Variants in LRBA observed in about 807,000 individuals in gnomAD.
LRBA encodes the protein lipopolysaccharide-responsive and beige-like anchor protein.
A neutral mutation model predicts 330.0 loss-of-function variants in LRBA; 176 were observed. The ratio of observed to expected loss-of-function variants is 0.53; its 90% confidence interval spans 0.47 to 0.60. The LOEUF (loss-of-function observed/expected upper bound fraction) is 0.60, where lower values mean the gene tolerates loss of function less well. Ranked by LOEUF, LRBA falls within the 20% of genes least tolerant of loss-of-function variation. The pLI, the probability that LRBA is intolerant of heterozygous loss-of-function variation, is 0.00. For missense variants in LRBA, 3,259 were observed against 3,444.8 expected, an observed-to-expected ratio of 0.95 and a Z score of 1.35; for synonymous variants, 1,230 against 1,193.0, an observed-to-expected ratio of 1.03 and a Z score of -0.64.
intron 22 of LRBA, among the ~76,000 whole-genome samples, chr4:150,865,717 C>CTT (rs779221199): frequency 7.9e-4 from 106 of 134,514 alleles, no homozygotes; most frequent in African/African-American, 2.6e-3. Flanking sequence ...GCAATATATT[C>CTT]TTTTTTTTTT....
intron 37 of LRBA, among the ~76,000 whole-genome samples, chr4:150,646,592 G>C (rs946004129): frequency 2.6e-5 from 4 of 152,072 alleles, no homozygotes; most frequent in African/African-American, 4.8e-5. Flanking sequence ...ATTTGGGAAG[G>C]TAAGGTTGAT....
chr4:150,359,772 A>G (rs1310775295), intron 47 of LRBA, among the ~76,000 whole-genome samples: 1 of 152,044 alleles, frequency 6.6e-6, no homozygotes, highest in African/African-American at 2.4e-5. Context: ...CGAGGTTAGG[A>G]GTTCAAGACC....
intron 40 of LRBA, among the ~76,000 whole-genome samples, chr4:150,543,382 AT>A (rs1765524456): frequency 6.6e-6 from 1 of 152,180 alleles, no homozygotes; most frequent in Admixed American, 6.5e-5. Context: ...GTGAACTGAA[AT>A]TTGCCATGTC....
At position 150,375,728 on chromosome 4, in the gene LRBA, G is replaced by A. The variant is rs181636788; in HGVS notation, c.7195-25569C>T. Reference sequence around the variant, plus strand: ...GCCTCACAAAGTGCTGGGATTACAGGTGTGAGCCACCAAGCCCAGCCTCTA... The same window carrying A: ...GCCTCACAAAGTGCTGGGATTACAGATGTGAGCCACCAAGCCCAGCCTCTA... On this transcript the variant is annotated intron_variant, in intron 47 of 56. Transcript: ENST00000651943. Among the ~76,000 whole-genome samples, 398 of 151,998 alleles carry A rather than the reference G, an allele frequency of 2.6e-3. 1 individual carries two copies. Among genetic ancestry groups the A allele is most frequent in the Non-Finnish European group, 4.5e-3 (303 of 67,984 alleles).
intron 2 of LRBA, chr4:151,012,912 G>C (rs1474756523): frequency 6.7e-6 from 1 of 149,714 alleles, no homozygotes; most frequent in Admixed American, 6.8e-5. Flanking sequence ...CTGGGTACAA[G>C]CAAGCGCATC....
At chr4:150,931,462 T>C (rs1734494095) in intron 2 of LRBA, among the ~76,000 whole-genome samples, 1 of 151,324 alleles carries the variant, frequency 6.6e-6, no homozygotes, top group African/African-American at 2.4e-5. Flanking sequence ...CAAAGATCAT[T>C]TCATCAAAAG....
chr4:150,355,651 T>C (rs191720637), intron 47 of LRBA, among the ~76,000 whole-genome samples: 4 of 152,160 alleles, frequency 2.6e-5, no homozygotes, highest in Admixed American at 2.0e-4. Flanking sequence ...CAAAATACCA[T>C]AGCTGTAAGT....
At chr4:150,828,068 T>C in intron 30 of LRBA, 112 bp downstream of exon 30, 1 of 869,846 alleles carries the variant, frequency 1.1e-6, no homozygotes, top group South Asian at 1.7e-5. Flanking sequence ...TCTGAGGGAG[T>C]GAAAAGTTAT....
rs2127054903 is a variant in LRBA at position 150,349,981 on chromosome 4, A to G, written c.7362+11T>C. 2 of 1,612,590 alleles carry G rather than the reference A, an allele frequency of 1.2e-6. No individual in the cohort carries two copies. The highest frequency in any genetic ancestry group is 2.2e-5 in the East Asian group (1 of 44,722). On this transcript the variant is annotated intron_variant, in intron 48 of 56. Transcript: ENST00000651943. ...TGACTATAAGTTGCTTTCTCAATTC[A>G]GATAACTTACCTCTCTCAACACAGG...
At chr4:150,442,247 C>A in intron 44 of LRBA, among the ~76,000 whole-genome samples, 1 of 151,952 alleles carries the variant, frequency 6.6e-6, no homozygotes, top group Non-Finnish European at 1.5e-5. Context: ...CATTAAACTC[C>A]AACGTTTGGA....
chr4:150,282,053 T>A (rs2126762711), intron 55 of LRBA, among the ~76,000 whole-genome samples: 1 of 152,328 alleles, frequency 6.6e-6, no homozygotes, highest in Non-Finnish European at 1.5e-5. Flanking sequence ...ACCAAGCTAT[T>A]CAGATGTAAA....
At chr4:150,460,133 T>C (rs1754584023) in intron 44 of LRBA, among the ~76,000 whole-genome samples, 1 of 151,840 alleles carries the variant, frequency 6.6e-6, no homozygotes, top group African/African-American at 2.4e-5. Flanking sequence ...CTAAAAGGAC[T>C]GGCATTCATC....
At chr4:150,933,366 A>C (rs1042990940) in intron 2 of LRBA, among the ~76,000 whole-genome samples, 2 of 116,662 alleles carry the variant, frequency 1.7e-5, no homozygotes, top group African/African-American at 9.7e-5. Context: ...ACTCTGTCTC[A>C]AAAAAAAAAA....
intron 37 of LRBA, among the ~76,000 whole-genome samples, chr4:150,643,570 G>T (rs930050363): frequency 6.6e-6 from 1 of 151,928 alleles, no homozygotes; most frequent in Non-Finnish European, 1.5e-5. Context: ...TAATACAGGA[G>T]CATGGTATGT....
chr4:150,704,602 T>G (rs1314857177), intron 36 of LRBA, among the ~76,000 whole-genome samples: 1 of 152,134 alleles, frequency 6.6e-6, no homozygotes, highest in Non-Finnish European at 1.5e-5. Context: ...TTTGGGCATA[T>G]CTACATTATA....
At chr4:150,913,455 A>C (rs1732235199) in intron 9 of LRBA, among the ~76,000 whole-genome samples, 1 of 152,196 alleles carries the variant, frequency 6.6e-6, no homozygotes. Flanking sequence ...CAACAAGAGC[A>C]AAACTCCACC....
intron 2 of LRBA, among the ~76,000 whole-genome samples, chr4:150,996,261 C>G (rs1742633642): frequency 6.6e-6 from 1 of 152,162 alleles, no homozygotes; most frequent in South Asian, 2.1e-4. Context: ...AACTTTTTAA[C>G]TATCTGGTTT....
intron 2 of LRBA, among the ~76,000 whole-genome samples, chr4:150,930,031 C>T (rs79899377): frequency 0.026 from 3,913 of 152,156 alleles, 137 homozygotes; most frequent in African/African-American, 0.085. Flanking sequence ...AAAAACAAAT[C>T]CGGCAGGGCG....
At position 150,897,602 on chromosome 4, in the gene LRBA, T is replaced by C. The variant is rs548553883; in HGVS notation, c.2004+137A>G. On this transcript the variant is annotated intron_variant, in intron 15 of 56. Coordinates refer to ENST00000651943, the MANE Select transcript of LRBA (RefSeq NM_001364905.1). ...CTCCAAAAAAGAACCAAAACAAACATGGAAATATCTTTCAAAGTATTTTCC... is the reference window on the plus strand; with the variant it reads ...CTCCAAAAAAGAACCAAAACAAACACGGAAATATCTTTCAAAGTATTTTCC... 3.9e-4 allele frequency: 240 copies of C among 612,642 alleles called. 1 individual carries two copies. The highest frequency in any genetic ancestry group is 3.6e-3 in the South Asian group (139 of 38,766). 38.0% of individuals were successfully genotyped at this position (612,642 alleles called of 1,614,324 possible). A position where few individuals can be genotyped will look rare whatever the true frequency, so the allele number is the denominator to read the frequency against.
Sources: gnomAD v4.1 joint callset for allele counts (sites outside exome capture counted in the v4.1 genomes callset) on GRCh38, gnomAD v4.1.1 for gene constraint, MANE v1.5 for transcripts, NCBI Gene and HGNC (gene_info 2026-07-23, HGNC 2026-07-21) for gene names.